VAV2: variants seen among roughly 807,000 people sequenced by gnomAD.
VAV2 encodes the protein guanine nucleotide exchange factor VAV2.
VAV2 carries 67 observed loss-of-function variants against 132.5 expected under a neutral mutation model. The observed-to-expected ratio is 0.51, with a 90% confidence interval of 0.42 to 0.62. The LOEUF is 0.62. VAV2 is among the 20% of genes least tolerant of loss of function. The pLI, the probability that VAV2 is intolerant of heterozygous loss-of-function variation, is 0.00. For missense variants in VAV2, 938 were observed against 1,153.6 expected (o/e 0.81, Z 2.71); for synonymous variants, 492 against 443.5 (o/e 1.11, Z -1.37).
At chr9:133,965,305 T>A (rs1251827458) in intron 1 of VAV2, among the ~76,000 whole-genome samples, 1 of 151,106 alleles carries the variant, frequency 6.6e-6, no homozygotes. Context: ...CTGGCCAACA[T>A]GGTGAAACCC....
chr9:133,895,498 G>C (rs1293886005), intron 2 of VAV2, among the ~76,000 whole-genome samples: 2 of 152,278 alleles, frequency 1.3e-5, no homozygotes, highest in African/African-American at 4.8e-5. Context: ...GTGAAAAGGA[G>C]AGAAGCTCTG....
At chr9:133,810,251 C>T (rs1389616060) in intron 5 of VAV2, 46 bp from the exon 6 acceptor site, 1 of 1,611,898 alleles carries the variant, frequency 6.2e-7, no homozygotes, top group Non-Finnish European at 8.5e-7. Context: ...GTTAGCAGGG[C>T]CCACACTGTC....
chr9:133,874,249 G>GGC (rs1192341790), intron 2 of VAV2, among the ~76,000 whole-genome samples: 1 of 152,242 alleles, frequency 6.6e-6, no homozygotes, highest in Non-Finnish European at 1.5e-5. Context: ...CAGCAAGACT[G>GGC]GCTGGGCAGG....
At chr9:133,845,646 A>C (rs1039087839) in intron 3 of VAV2, among the ~76,000 whole-genome samples, 1 of 152,164 alleles carries the variant, frequency 6.6e-6, no homozygotes, top group African/African-American at 2.4e-5. Flanking sequence ...ACGTTGGAGG[A>C]TCGGCTGTGA....
intron 4 of VAV2, among the ~76,000 whole-genome samples, chr9:133,818,023 G>A (rs1170932546): frequency 6.6e-6 from 1 of 152,124 alleles, no homozygotes; most frequent in African/African-American, 2.4e-5. Context: ...ACCCTCACCA[G>A]TGCGGACAGG....
At chr9:133,989,137 A>C (rs1194438772) in intron 1 of VAV2, among the ~76,000 whole-genome samples, 1 of 151,910 alleles carries the variant, frequency 6.6e-6, no homozygotes, top group Non-Finnish European at 1.5e-5. Flanking sequence ...TCAGGAGTTC[A>C]AGACCAGCCT....
At chr9:133,784,180 G>T in intron 18 of VAV2, 137 bp downstream of exon 18, 1 of 934,558 alleles carries the variant, frequency 1.1e-6, no homozygotes, top group Non-Finnish European at 1.7e-6. Flanking sequence ...GCACGGGCCT[G>T]ACTCTTGTGG....
rs1449395602 is a variant in VAV2, at chr9:133,798,003, G to A, written c.837-194C>T. Among the ~76,000 whole-genome samples, 4 of 152,208 alleles carry A rather than the reference G, an allele frequency of 2.6e-5. No individual in the cohort carries two copies. In the East Asian group the frequency reaches 7.7e-4, roughly 29 times the overall value. ...CCTTCCCGAAGCTACCGGGCCGCAG[G>A]AGGGCTGCCGGCGTGCTGGGAGAGG... On this transcript the variant is annotated intron_variant, in intron 9 of 29. Coordinates refer to ENST00000371850, the MANE Select transcript of VAV2 (RefSeq NM_001134398.2).
intron 3 of VAV2, among the ~76,000 whole-genome samples, chr9:133,854,637 C>T (rs1378213855): frequency 6.6e-6 from 1 of 152,214 alleles, no homozygotes; most frequent in Non-Finnish European, 1.5e-5. Context: ...TGACCAGAAG[C>T]AGGCTGGAGG....
At position 133,784,361 on chromosome 9, in the gene VAV2, C is replaced by T. The variant is rs762262843; in HGVS notation, c.1590G>A (p.Thr530=). The part of the protein sequence containing the change: ...NANHHSFQMY[T]FDKTTNCKAC... Reference sequence around the variant, plus strand: ...CTTTGCAGTTGGTGGTCTTGTCAAACGTGTACATCTGGAAACTGTGGTGGT... The same window carrying T: ...CTTTGCAGTTGGTGGTCTTGTCAAATGTGTACATCTGGAAACTGTGGTGGT... Residue 530 remains threonine (T), a synonymous_variant, in exon 18 of 30, where the codon ACG becomes ACA. Coordinates refer to ENST00000371850, the MANE Select transcript of VAV2 (RefSeq NM_001134398.2). 20 of 1,614,078 alleles carry T rather than the reference C, an allele frequency of 1.2e-5. No individual in the cohort carries two copies. The highest frequency in any genetic ancestry group is 1.6e-4 in the Middle Eastern group (1 of 6,084).
At chr9:133,931,531 G>A (rs1438312518) in intron 2 of VAV2, among the ~76,000 whole-genome samples, 1 of 151,554 alleles carries the variant, frequency 6.6e-6, no homozygotes, top group African/African-American at 2.4e-5. Flanking sequence ...GCCCAGAAGT[G>A]CAGCCCTCAC....
intron 3 of VAV2, among the ~76,000 whole-genome samples, chr9:133,838,612 T>A: frequency 7.2e-6 from 1 of 139,794 alleles, no homozygotes; most frequent in African/African-American, 2.7e-5. Flanking sequence ...GATGGATGTA[T>A]GGGTGTATGG....
At chr9:133,976,336 A>G (rs913547091) in intron 1 of VAV2, among the ~76,000 whole-genome samples, 4 of 151,976 alleles carry the variant, frequency 2.6e-5, no homozygotes, top group Admixed American at 2.6e-4. Flanking sequence ...TCCTGAGTGG[A>G]CTCTGGGACC....
At chr9:133,967,137 T>C (rs1293383202) in intron 1 of VAV2, among the ~76,000 whole-genome samples, 1 of 151,202 alleles carries the variant, frequency 6.6e-6, no homozygotes, top group Non-Finnish European at 1.5e-5. Flanking sequence ...GACATACAAA[T>C]GGCCAACGGG....
chr9:133,785,508 T>C (rs1030373385), intron 17 of VAV2, among the ~76,000 whole-genome samples: 1 of 152,174 alleles, frequency 6.6e-6, no homozygotes, highest in Non-Finnish European at 1.5e-5. Flanking sequence ...AAGGGTGGGA[T>C]GGCTCATTCC....
rs936290970 is a variant in VAV2, at chr9:133,918,769, G to A, written c.321+20334C>T. ...AAGCAGCCGCCATGTGTGTGTGTGT[G>A]TTTGTTTGTTTGTTTGTTTGTTTTG... On this transcript the variant is annotated intron_variant, in intron 2 of 29. Coordinates refer to ENST00000371850, the MANE Select transcript of VAV2 (RefSeq NM_001134398.2). The surrounding 1 kb of genome is among the most constrained non-coding windows in gnomAD (Gnocchi z 4.7). Among the ~76,000 whole-genome samples, 3 of 145,082 alleles carry A rather than the reference G, an allele frequency of 2.1e-5. No homozygotes were observed. The highest frequency in any genetic ancestry group is 2.0e-4 in the Admixed American group (3 of 14,966).
chr9:133,763,053 C>A lies in VAV2; in HGVS notation c.*1009G>T, dbSNP rs1833313831. On this transcript the variant is annotated 3_prime_UTR_variant, in exon 30 of 30. Coordinates refer to ENST00000371850, the MANE Select transcript of VAV2 (RefSeq NM_001134398.2). This position sits in a 1 kb window ranked among gnomAD's most constrained non-coding sequence, Gnocchi z 6.8. ...GCACTTATTTTGAGTCGCCCGAGGC[C>A]CAGTTTGTAGGCTGCAGGGGCCCTT... 6.6e-6 allele frequency: 1 copy of A among 152,496 alleles called. No individual in the cohort carries two copies. The highest frequency in any genetic ancestry group is 2.1e-4 in the South Asian group (1 of 4,826). The allele number at this position is 152,496 out of a possible 1,614,324, so 9.4% of individuals were successfully genotyped here.
chr9:133,791,314 G>T (rs532092174), intron 13 of VAV2, among the ~76,000 whole-genome samples: 3 of 152,028 alleles, frequency 2.0e-5, no homozygotes, highest in Admixed American at 2.0e-4. Context: ...CCGAGGAGCA[G>T]AGGCGACTGC....
At position 133,812,207 on chromosome 9, in the gene VAV2, G is replaced by C; in HGVS notation, c.459C>G (p.Asp153Glu). ...CGCAGTCGTAGATGTCCTCCCCCAG[G>C]TCATGCTCGCTGCACAGGAGGAGGC... ...RSLEELADEH[D>E]LGEDIYDCVP... is the part of the protein sequence containing the mutation. The change falls in exon 5 of 30, where the codon GAC (aspartate) becomes GAG (glutamate). Residue 153 changes from aspartate to glutamate, a missense_variant. By Grantham distance (45) the Asp-to-Glu change is conservative. Transcript: ENST00000371850. The C allele has an allele frequency of 6.2e-7, 1 of 1,613,756 alleles. No individual in the cohort carries two copies. The highest frequency in any genetic ancestry group is 8.5e-7 in the Non-Finnish European group (1 of 1,179,978).
Sources: allele counts gnomAD v4.1 joint callset (sites outside exome capture counted in the v4.1 genomes callset), GRCh38; gene constraint gnomAD v4.1.1; non-coding constraint Gnocchi (gnomAD v3.1); transcripts MANE v1.5; gene names NCBI Gene and HGNC (gene_info 2026-07-23, HGNC 2026-07-21).